Variants in SORCS1 observed in about 807,000 individuals in gnomAD.
The protein encoded by SORCS1 is sortilin related VPS10 domain containing receptor 1, also known as VPS10 domain-containing receptor SorCS1.
In SORCS1, 60 loss-of-function variants were observed where a neutral mutation model predicts 146.1. That is an observed-to-expected ratio of 0.41 (90% CI 0.33 to 0.51). The LOEUF is 0.51. Ranked by LOEUF, SORCS1 falls within the 20% of genes least tolerant of loss-of-function variation. The probability of loss-of-function intolerance (pLI) is 0.21; values close to 1 mark genes in which losing one functional copy is unlikely to be tolerated. For synonymous variants in SORCS1, 637 were observed against 584.0 expected (o/e 1.09, Z -1.31); for missense variants, 1,352 against 1,487.6 (o/e 0.91, Z 1.50).
At chr10:106,687,472 T>C (rs1459847198) in intron 10 of SORCS1, among the ~76,000 whole-genome samples, 1 of 152,180 alleles carries the variant, frequency 6.6e-6, no homozygotes, top group Admixed American at 6.5e-5. Context: ...ATAAATACCT[T>C]GGCCTTTGTT....
At chr10:106,692,617 C>A (rs948095570) in intron 9 of SORCS1, among the ~76,000 whole-genome samples, 4 of 152,282 alleles carry the variant, frequency 2.6e-5, no homozygotes, top group African/African-American at 9.6e-5. Flanking sequence ...TGATATGTGA[C>A]TTACATCTTA....
chr10:106,791,048 TATAG>T (rs1946294243), intron 3 of SORCS1, among the ~76,000 whole-genome samples: 1 of 152,216 alleles, frequency 6.6e-6, no homozygotes. Flanking sequence ...TTTATGCATA[TATAG>T]ATATACACAC....
At chr10:106,638,286 T>C (rs1848847663) in intron 18 of SORCS1, among the ~76,000 whole-genome samples, 1 of 152,156 alleles carries the variant, frequency 6.6e-6, no homozygotes. Flanking sequence ...CAAAACTATA[T>C]ATACTTTAAA....
chr10:106,966,098 C>T (rs1393711633), intron 1 of SORCS1, among the ~76,000 whole-genome samples: 1 of 152,200 alleles, frequency 6.6e-6, no homozygotes, highest in East Asian at 1.9e-4. Context: ...AATGCACATG[C>T]AGCTAACTGC....
At chr10:107,130,226 C>T (rs541830832) in intron 1 of SORCS1, among the ~76,000 whole-genome samples, 56 of 152,214 alleles carry the variant, frequency 3.7e-4, no homozygotes, top group African/African-American at 1.3e-3. Context: ...CTCTAGTGTC[C>T]TTATGTAGAA....
At chr10:106,799,132 G>C (rs1354522031) in intron 3 of SORCS1, among the ~76,000 whole-genome samples, 4 of 152,174 alleles carry the variant, frequency 2.6e-5, no homozygotes, top group Non-Finnish European at 5.9e-5. Flanking sequence ...AATGGGGAAA[G>C]GATTTCCTAT....
At chr10:107,079,067 T>G in intron 1 of SORCS1, among the ~76,000 whole-genome samples, 1 of 151,868 alleles carries the variant, frequency 6.6e-6, no homozygotes, top group East Asian at 1.9e-4. Flanking sequence ...CTACTAAAAA[T>G]ACAAAAAAAT....
intron 3 of SORCS1, among the ~76,000 whole-genome samples, chr10:106,787,854 A>G (rs576686138): frequency 6.6e-6 from 1 of 152,292 alleles, no homozygotes; most frequent in South Asian, 2.1e-4. Context: ...TGACTATACA[A>G]AAGCCATTTT....
At chr10:106,798,377 G>A (rs1946687994) in intron 3 of SORCS1, among the ~76,000 whole-genome samples, 1 of 152,120 alleles carries the variant, frequency 6.6e-6, no homozygotes, top group African/African-American at 2.4e-5. Context: ...TCATGTTGGT[G>A]TGCTGCACCT....
intron 3 of SORCS1, among the ~76,000 whole-genome samples, chr10:106,799,776 G>A (rs1946772214): frequency 6.6e-6 from 1 of 152,202 alleles, no homozygotes; most frequent in Non-Finnish European, 1.5e-5. Flanking sequence ...CTTTTCCACT[G>A]TTGGTGGGAC....
chr10:106,957,847 T>G (rs1049387039), intron 1 of SORCS1, among the ~76,000 whole-genome samples: 2 of 152,190 alleles, frequency 1.3e-5, no homozygotes, highest in African/African-American at 4.8e-5. Context: ...CTTTCAGAAT[T>G]CAACGAACAT....
chr10:106,871,279 G>A (rs568443531), intron 2 of SORCS1, among the ~76,000 whole-genome samples: 16 of 152,274 alleles, frequency 1.1e-4, no homozygotes, highest in Admixed American at 6.5e-4. Context: ...AACCGTTGTG[G>A]AAAGCAGTAT....
intron 1 of SORCS1, among the ~76,000 whole-genome samples, chr10:107,040,454 T>G (rs998400883): frequency 1.3e-5 from 2 of 152,198 alleles, no homozygotes; most frequent in Non-Finnish European, 2.9e-5. Flanking sequence ...AATTCACCCC[T>G]TATGGTATTT....
At chr10:106,972,136 C>G (rs1955814174) in intron 1 of SORCS1, among the ~76,000 whole-genome samples, 1 of 152,118 alleles carries the variant, frequency 6.6e-6, no homozygotes, top group Non-Finnish European at 1.5e-5. Context: ...AATCCCAGCA[C>G]TTTGAGAAGC....
chr10:106,661,164 G>C (rs1254034894), intron 17 of SORCS1, among the ~76,000 whole-genome samples: 2 of 152,168 alleles, frequency 1.3e-5, no homozygotes, highest in African/African-American at 4.8e-5. Flanking sequence ...TGCATACTGA[G>C]ATATTTATAG....
intron 1 of SORCS1, among the ~76,000 whole-genome samples, chr10:106,992,241 C>T (rs1278124220): frequency 1.1e-4 from 16 of 152,040 alleles, no homozygotes; most frequent in Non-Finnish European, 8.8e-5. Context: ...TCCGTATATT[C>T]GTCCCAATAT....
chr10:107,095,430 G>A (rs1964479804), intron 1 of SORCS1, among the ~76,000 whole-genome samples: 1 of 152,104 alleles, frequency 6.6e-6, no homozygotes, highest in African/African-American at 2.4e-5. Flanking sequence ...GAAACTCATA[G>A]TCTCCCTGAA....
chr10:107,160,777 A>T (rs893148545), intron 1 of SORCS1, among the ~76,000 whole-genome samples: 3 of 152,248 alleles, frequency 2.0e-5, no homozygotes, highest in African/African-American at 7.2e-5. Context: ...AGGATTTTAT[A>T]AAGATTAATG....
At chr10:106,646,127 T>C (rs1414978253) in intron 18 of SORCS1, among the ~76,000 whole-genome samples, 1 of 151,772 alleles carries the variant, frequency 6.6e-6, no homozygotes, top group Admixed American at 6.6e-5. Context: ...TAGCTGGGTG[T>C]GGTAGCTGGC....
Sources: allele counts gnomAD v4.1 joint callset (sites outside exome capture counted in the v4.1 genomes callset), GRCh38; gene constraint gnomAD v4.1.1; transcripts MANE v1.5; gene names NCBI Gene and HGNC (gene_info 2026-07-23, HGNC 2026-07-21).